The following TYW1 variants were observed in gnomAD, a reference collection of about 807,000 sequenced individuals.
TYW1 encodes S-adenosyl-L-methionine-dependent tRNA 4-demethylwyosine synthase TYW1.
TYW1 carries 46 observed loss-of-function variants against 96.2 expected under a neutral mutation model. That is an observed-to-expected ratio of 0.48 (90% CI 0.38 to 0.61). The LOEUF is 0.61. TYW1 is among the 20% of genes least tolerant of loss of function. The pLI, the probability that TYW1 is intolerant of heterozygous loss-of-function variation, is 0.00. For synonymous variants in TYW1, 274 were observed against 323.0 expected, an observed-to-expected ratio of 0.85 and a Z score of 1.63; for missense variants, 684 against 909.6, an observed-to-expected ratio of 0.75 and a Z score of 3.19.
chr7:67,134,376 G>T (rs1798180024), intron 13 of TYW1, among the ~76,000 whole-genome samples: 1 of 151,528 alleles, frequency 6.6e-6, no homozygotes, highest in Non-Finnish European at 1.5e-5. Context: ...AACCCTGTTA[G>T]TACTAAAAAT....
chr7:67,174,573 TGAG>T (rs1263906989), intron 13 of TYW1, among the ~76,000 whole-genome samples: 8 of 148,202 alleles, frequency 5.4e-5, no homozygotes, highest in Non-Finnish European at 1.2e-4. Context: ...ATGCATATAT[TGAG>T]AAGTTAATTG....
At chr7:67,044,323 C>T (rs1163439962) in intron 7 of TYW1, among the ~76,000 whole-genome samples, 1 of 151,948 alleles carries the variant, frequency 6.6e-6, no homozygotes, top group Non-Finnish European at 1.5e-5. Context: ...TTCTAGAACT[C>T]CTGACCTCAA....
At chr7:67,098,753 A>G in intron 12 of TYW1, 35 bp downstream of exon 12, 1 of 1,538,704 alleles carries the variant, frequency 6.5e-7, no homozygotes, top group Non-Finnish European at 8.7e-7. Flanking sequence ...ATGCTGCTTG[A>G]ATCTATGTTT....
At chr7:67,037,124 G>C (rs1251209991) in intron 7 of TYW1, among the ~76,000 whole-genome samples, 1 of 152,142 alleles carries the variant, frequency 6.6e-6, no homozygotes, top group Non-Finnish European at 1.5e-5. Flanking sequence ...TGAATTTTGG[G>C]CTGATACCAC....
chr7:67,069,077 T>C (rs576521185), intron 10 of TYW1, among the ~76,000 whole-genome samples: 23 of 152,362 alleles, frequency 1.5e-4, no homozygotes, highest in African/African-American at 4.6e-4. Flanking sequence ...TAATTCTTTT[T>C]TTTTCCAGTT....
At chr7:67,150,663 A>T (rs1235150432) in intron 13 of TYW1, among the ~76,000 whole-genome samples, 6 of 152,156 alleles carry the variant, frequency 3.9e-5, no homozygotes, top group Admixed American at 2.6e-4. Flanking sequence ...CTATTCAATG[A>T]ATTTCTACTT....
chr7:67,119,250 G>C lies in TYW1; in HGVS notation c.1698+1632G>C, dbSNP rs558782797. Among the ~76,000 whole-genome samples the C allele has an allele frequency of 9.2e-5, 14 of 152,050 alleles. 1 individual carries two copies. The South Asian group carries it at 1.9e-3, about 20-fold the overall frequency. On this transcript the variant is annotated intron_variant, in intron 13 of 15. Coordinates refer to ENST00000359626, the MANE Select transcript of TYW1 (RefSeq NM_018264.4). ...AAATGACAGTTTCCTGGTCCTCATGGCATCTGAGATCTGCTTGTTAGACAT... is the reference window on the plus strand; with the variant it reads ...AAATGACAGTTTCCTGGTCCTCATGCCATCTGAGATCTGCTTGTTAGACAT...
At chr7:67,209,128 G>T (rs549458312) in intron 15 of TYW1, among the ~76,000 whole-genome samples, 1 of 152,152 alleles carries the variant, frequency 6.6e-6, no homozygotes. Context: ...CATAATAGAA[G>T]GGTGCAGAAA....
intron 10 of TYW1, among the ~76,000 whole-genome samples, chr7:67,077,316 C>A (rs1397917036): frequency 6.6e-6 from 1 of 152,134 alleles, no homozygotes; most frequent in Non-Finnish European, 1.5e-5. Flanking sequence ...TTTGAGGAAT[C>A]TCCATATTGT....
intron 6 of TYW1, among the ~76,000 whole-genome samples, chr7:67,019,561 C>T (rs959213764): frequency 2.6e-5 from 4 of 152,268 alleles, no homozygotes; most frequent in Non-Finnish European, 5.9e-5. Context: ...CTCCTGGCCT[C>T]GAGCAAACCT....
chr7:67,051,702 A>G (rs1209731363), intron 8 of TYW1, among the ~76,000 whole-genome samples: 1 of 144,378 alleles, frequency 6.9e-6, no homozygotes, highest in African/African-American at 2.5e-5. Flanking sequence ...ATCCTTTTCC[A>G]TCTGCCTGAA....
chr7:67,195,835 A>C (rs1469089542), intron 15 of TYW1, among the ~76,000 whole-genome samples: 1 of 146,178 alleles, frequency 6.8e-6, no homozygotes, highest in Non-Finnish European at 1.5e-5. Flanking sequence ...GAACAAGTAT[A>C]TGAATCTAGT....
At chr7:67,036,040 C>CTT (rs34975904) in intron 7 of TYW1, among the ~76,000 whole-genome samples, 6 of 135,414 alleles carry the variant, frequency 4.4e-5, no homozygotes, top group Non-Finnish European at 6.5e-5. Context: ...TTGATATTTC[C>CTT]TTTTTTTTTT....
At chr7:67,192,943 T>C (rs1473356911) in intron 14 of TYW1, among the ~76,000 whole-genome samples, 2 of 152,194 alleles carry the variant, frequency 1.3e-5, no homozygotes, top group Admixed American at 1.3e-4. Context: ...CGCAGTTGTC[T>C]GTTTGATCAT....
rs1801973882 is a variant in TYW1, at chr7:67,238,773, T to C, written c.*244T>C. On this transcript the variant is annotated 3_prime_UTR_variant, in exon 16 of 16. Transcript: ENST00000359626. ...GATTTTACTTCTAAGAGGAAAATTA[T>C]TTTGGGGAGGAACTACACAGTCGTG... 7.4e-7 allele frequency: 1 copy of C among 1,344,672 alleles called. No individual in the cohort carries two copies. The highest frequency in any genetic ancestry group is 1.5e-5 in the African/African-American group (1 of 68,146). The allele number at this position is 1,344,672 out of a possible 1,614,324, so 83.3% of individuals were successfully genotyped here.
intron 13 of TYW1, among the ~76,000 whole-genome samples, chr7:67,135,239 A>G (rs1413066410): frequency 1.3e-5 from 2 of 151,318 alleles, no homozygotes; most frequent in Non-Finnish European, 2.9e-5. Context: ...AATAATCACT[A>G]CCTAACTCGA....
chr7:67,143,211 C>A (rs540544036), intron 13 of TYW1, among the ~76,000 whole-genome samples: 5 of 152,140 alleles, frequency 3.3e-5, no homozygotes, highest in African/African-American at 1.2e-4. Flanking sequence ...CTGTGCTAGG[C>A]CGGGGCATAT....
intron 5 of TYW1, among the ~76,000 whole-genome samples, 178 bp from the exon 6 acceptor site, chr7:67,017,675 C>T (rs926481704): frequency 6.6e-6 from 1 of 152,016 alleles, no homozygotes; most frequent in African/African-American, 2.4e-5. Flanking sequence ...TAAAATGACC[C>T]TCTTCTGGGT....
intron 7 of TYW1, among the ~76,000 whole-genome samples, chr7:67,045,433 G>A (rs1250672615): frequency 6.6e-6 from 1 of 152,018 alleles, no homozygotes; most frequent in Non-Finnish European, 1.5e-5. Context: ...GCCCAGGCTG[G>A]TTTCCAATTC....
Sources: gnomAD v4.1 joint callset for allele counts (sites outside exome capture counted in the v4.1 genomes callset) on GRCh38, gnomAD v4.1.1 for gene constraint, MANE v1.5 for transcripts, NCBI Gene and HGNC (gene_info 2026-07-23, HGNC 2026-07-21) for gene names.